The following PCDH9 variants were observed in gnomAD, a reference collection of about 807,000 sequenced individuals.
The protein encoded by PCDH9 is protocadherin-9.
PCDH9 carries 24 observed loss-of-function variants against 70.6 expected under a neutral mutation model. The ratio of observed to expected loss-of-function variants is 0.34; its 90% CI spans 0.25 to 0.48. The LOEUF is 0.48. Ranked by LOEUF, PCDH9 falls within the 20% of genes least tolerant of loss-of-function variation. The pLI is 0.99. For missense variants in PCDH9, 1,281 were observed against 1,503.6 expected (o/e 0.85, Z 2.45); for synonymous variants, 562 against 558.5 (o/e 1.01, Z -0.09).
chr13:66,646,530 AT>A (rs1286138564), intron 3 of PCDH9, among the ~76,000 whole-genome samples: 5 of 152,288 alleles, frequency 3.3e-5, no homozygotes, highest in Admixed American at 3.3e-4. Flanking sequence ...ATCAGAAACT[AT>A]TTTTTCCTTA....
chr13:67,163,459 C>T (rs2088018809), intron 2 of PCDH9, among the ~76,000 whole-genome samples: 1 of 152,142 alleles, frequency 6.6e-6, no homozygotes, highest in Non-Finnish European at 1.5e-5. Context: ...AAGTTTGGTT[C>T]TCTGTCATTA....
chr13:66,619,710 C>T (rs1037460865), intron 4 of PCDH9, among the ~76,000 whole-genome samples: 33 of 152,096 alleles, frequency 2.2e-4, no homozygotes, highest in African/African-American at 7.5e-4. Flanking sequence ...TGTTCTTAAT[C>T]GCATTTCTAC....
At chr13:66,916,703 C>A (rs1405001519) in intron 2 of PCDH9, among the ~76,000 whole-genome samples, 2 of 151,478 alleles carry the variant, frequency 1.3e-5, no homozygotes, top group African/African-American at 4.8e-5. Context: ...ACTTTACCAA[C>A]CTGTACTTTG....
intron 4 of PCDH9, among the ~76,000 whole-genome samples, chr13:66,552,286 T>C (rs994546333): frequency 6.6e-5 from 10 of 152,170 alleles, no homozygotes; most frequent in African/African-American, 2.2e-4. Flanking sequence ...CCTATGCTGC[T>C]TTAGTGTTTA....
intron 4 of PCDH9, among the ~76,000 whole-genome samples, chr13:66,566,180 C>A (rs1395445421): frequency 6.6e-6 from 1 of 152,130 alleles, no homozygotes; most frequent in Non-Finnish European, 1.5e-5. Context: ...TTGTGATGTA[C>A]TTTTCAGAGT....
chr13:66,408,998 T>A (rs1957328019), intron 4 of PCDH9, among the ~76,000 whole-genome samples: 1 of 152,098 alleles, frequency 6.6e-6, no homozygotes, highest in South Asian at 2.1e-4. Context: ...ATGCTTCCTA[T>A]GTAAGGATTA....
chr13:66,788,684 A>G (rs1426438603), intron 3 of PCDH9, among the ~76,000 whole-genome samples: 12 of 126,900 alleles, frequency 9.5e-5, no homozygotes, highest in Admixed American at 6.1e-4. Flanking sequence ...GCTGGGCTCC[A>G]AGTCAGTATC....
chr13:66,842,057 T>C (rs1566233057), intron 3 of PCDH9, among the ~76,000 whole-genome samples: 1 of 152,114 alleles, frequency 6.6e-6, no homozygotes, highest in Non-Finnish European at 1.5e-5. Flanking sequence ...GCAGAAAAGG[T>C]AGGAGAGAAT....
intron 3 of PCDH9, among the ~76,000 whole-genome samples, chr13:66,777,276 A>T (rs2079911975): frequency 1.3e-5 from 2 of 151,948 alleles, no homozygotes; most frequent in Non-Finnish European, 2.9e-5. Context: ...CAAAATTGAC[A>T]AATGGGATCT....
intron 4 of PCDH9, among the ~76,000 whole-genome samples, chr13:66,588,029 C>G (rs2076986256): frequency 6.6e-6 from 1 of 152,016 alleles, no homozygotes. Flanking sequence ...TTCTGGGAGA[C>G]TGGGTAAAGG....
chr13:67,034,408 T>C (rs955879006), intron 2 of PCDH9, among the ~76,000 whole-genome samples: 2 of 152,192 alleles, frequency 1.3e-5, no homozygotes, highest in African/African-American at 4.8e-5. Context: ...TCTTTAAATA[T>C]TTACCATACT....
intron 3 of PCDH9, among the ~76,000 whole-genome samples, chr13:66,797,618 G>T (rs1015801543): frequency 2.0e-5 from 3 of 152,106 alleles, no homozygotes; most frequent in African/African-American, 7.2e-5. Flanking sequence ...AAACACATGT[G>T]ATACTTTCTT....
intron 4 of PCDH9, among the ~76,000 whole-genome samples, chr13:66,486,336 G>C (rs1003300808): frequency 6.6e-6 from 1 of 152,098 alleles, no homozygotes. Flanking sequence ...CCAGCTCCTG[G>C]GTTGGGAGTG....
chr13:66,499,010 A>G (rs948754891), intron 4 of PCDH9, among the ~76,000 whole-genome samples: 5 of 151,884 alleles, frequency 3.3e-5, no homozygotes, highest in Admixed American at 1.3e-4. Context: ...TTGAAGGAAC[A>G]TTTTACTTTT....
chr13:66,383,342 T>G (rs934514654), intron 4 of PCDH9, among the ~76,000 whole-genome samples: 1 of 152,222 alleles, frequency 6.6e-6, no homozygotes, highest in Non-Finnish European at 1.5e-5. Context: ...TCTCATTACC[T>G]TTCTTCTAAG....
chr13:66,545,809 C>CTTTAT (rs71106977), intron 4 of PCDH9, among the ~76,000 whole-genome samples: 127,750 of 143,354 alleles, frequency 0.89, 57,854 homozygotes, highest in Middle Eastern at 0.98. Flanking sequence ...TTTTATTTTA[C>CTTTAT]TTTATTTTAT....
intron 4 of PCDH9, among the ~76,000 whole-genome samples, chr13:66,516,201 C>A (rs949319712): frequency 1.3e-5 from 2 of 151,842 alleles, no homozygotes; most frequent in African/African-American, 2.4e-5. Flanking sequence ...GTTTAGAAAT[C>A]AAGAGTCTAC....
intron 2 of PCDH9, among the ~76,000 whole-genome samples, chr13:67,183,276 GA>G (rs915648672): frequency 7.9e-5 from 12 of 151,638 alleles, no homozygotes; most frequent in African/African-American, 2.9e-4. Context: ...TAACTATTAA[GA>G]AAAAAAACAC....
In PCDH9 at chr13:67,105,962, G is replaced by A. The variant is rs1237035700; in HGVS notation, c.3036+119443C>T. The stretch of plus-strand genomic sequence containing the variant: ...ATATATCTATATATTAGTTTATAGT[G>A]TAGGAAAGAAATTTTGAAGGGACTC... On this transcript the variant is annotated intron_variant, in intron 2 of 4. Coordinates refer to ENST00000377865, the MANE Select transcript of PCDH9 (RefSeq NM_203487.3). Among the ~76,000 whole-genome samples the A allele has an allele frequency of 3.3e-5, 5 of 151,578 alleles. No individual in the cohort carries two copies. In the East Asian group the frequency reaches 9.7e-4, roughly 29 times the overall value.
Sources: allele counts gnomAD v4.1 joint callset (sites outside exome capture counted in the v4.1 genomes callset), GRCh38; gene constraint gnomAD v4.1.1; transcripts MANE v1.5; gene names NCBI Gene and HGNC (gene_info 2026-07-23, HGNC 2026-07-21).